The following NXPE2 variants were observed in gnomAD, a reference collection of about 807,000 sequenced individuals.
NXPE2 encodes NXPE family member 2.
Under a neutral mutation model 34.4 loss-of-function variants are expected in NXPE2, and 34 were observed. The ratio of observed to expected loss-of-function variants is 0.99; its 90% CI spans 0.75 to 1.31. The LOEUF (loss-of-function observed/expected upper bound fraction) is 1.31, where lower values mean the gene tolerates loss of function less well. Ranked by LOEUF, NXPE2 falls within the 40% of genes most tolerant of loss-of-function variation. The pLI is 0.00. For synonymous variants in NXPE2, 235 were observed against 231.3 expected (o/e 1.02, Z -0.15); for missense variants, 649 against 672.5 (o/e 0.97, Z 0.39).
the NXPE2 span, among the ~76,000 whole-genome samples, chr11:114,658,624 T>A: frequency 4.1e-4 from 62 of 152,256 alleles, no homozygotes; most frequent in Non-Finnish European, 7.1e-4. Context: ...AAGACACATA[T>A]GAAGATCCCT....
At chr11:114,476,397 A>T in the NXPE2 span, among the ~76,000 whole-genome samples, 1 of 152,176 alleles carries the variant, frequency 6.6e-6, no homozygotes, top group Non-Finnish European at 1.5e-5. Flanking sequence ...CTCTCCACAA[A>T]TATATCCTCT....
the NXPE2 span, among the ~76,000 whole-genome samples, chr11:114,809,759 T>C: frequency 9.0e-6 from 1 of 111,618 alleles, no homozygotes; most frequent in Non-Finnish European, 1.9e-5. Flanking sequence ...AAAATGGCCA[T>C]ACTGCCCAAG....
chr11:114,793,357 TCA>T, the NXPE2 span, among the ~76,000 whole-genome samples: 98 of 152,194 alleles, frequency 6.4e-4, no homozygotes, highest in Non-Finnish European at 1.1e-3. Context: ...AGGCAAAATT[TCA>T]CAGACTAAAC....
the NXPE2 span, among the ~76,000 whole-genome samples, chr11:114,622,998 G>A: frequency 6.6e-6 from 1 of 152,054 alleles, no homozygotes; most frequent in Non-Finnish European, 1.5e-5. Context: ...CGGTTACCTG[G>A]TGGATAATAA....
chr11:114,653,356 AG>A, the NXPE2 span, among the ~76,000 whole-genome samples: 1 of 152,156 alleles, frequency 6.6e-6, no homozygotes, highest in Non-Finnish European at 1.5e-5. Context: ...TGTCCCTATA[AG>A]CTCAACGGTT....
At chr11:114,589,399 G>A in the NXPE2 span, among the ~76,000 whole-genome samples, 1 of 152,060 alleles carries the variant, frequency 6.6e-6, no homozygotes, top group Non-Finnish European at 1.5e-5. Context: ...CTCTATAATC[G>A]AGGCCTCCCC....
chr11:114,487,776 G>A, the NXPE2 span, among the ~76,000 whole-genome samples: 13 of 151,718 alleles, frequency 8.6e-5, no homozygotes, highest in Admixed American at 6.6e-4. Flanking sequence ...TGAAGTGATC[G>A]TATGGTTTTT....
the NXPE2 span, among the ~76,000 whole-genome samples, chr11:114,773,282 C>G: frequency 5.1e-5 from 4 of 78,932 alleles, no homozygotes; most frequent in African/African-American, 1.6e-4. Flanking sequence ...CACTCCCACC[C>G]CCCCCCCACC....
chr11:114,557,663 ATATATATAT>A, the NXPE2 span, among the ~76,000 whole-genome samples: 1 of 102,786 alleles, frequency 9.7e-6, no homozygotes, highest in Non-Finnish European at 2.0e-5. Context: ...ATATATATAT[ATATATATAT>A]AAAATCCTTG....
chr11:114,584,435 C>T, the NXPE2 span: 8 of 223,624 alleles, frequency 3.6e-5, no homozygotes, highest in South Asian at 1.2e-4. Flanking sequence ...AAGAGGGTGG[C>T]GATGAGAATG....
the NXPE2 span, among the ~76,000 whole-genome samples, chr11:114,671,231 GATT>G: frequency 6.6e-6 from 1 of 151,314 alleles, no homozygotes; most frequent in African/African-American, 2.4e-5. Flanking sequence ...GATCAGTAGA[GATT>G]ATGCAGTCTA....
At chr11:114,774,903 T>C in the NXPE2 span, among the ~76,000 whole-genome samples, 4 of 152,210 alleles carry the variant, frequency 2.6e-5, no homozygotes, top group Non-Finnish European at 2.9e-5. Context: ...CTGGTACCTA[T>C]GGCTGGACAT....
the NXPE2 span, among the ~76,000 whole-genome samples, chr11:114,611,429 G>T: frequency 1.1e-4 from 17 of 151,878 alleles, no homozygotes; most frequent in South Asian, 3.5e-3. Flanking sequence ...TGCCTCTAGG[G>T]TAATCACTGT....
At chr11:114,580,435 G>A in the NXPE2 span, 2 of 969,542 alleles carry the variant, frequency 2.1e-6, no homozygotes, top group African/African-American at 1.6e-5. Context: ...CTAAGAGGGG[G>A]TAAGGTGGTG....
At chr11:114,522,817 C>A in the NXPE2 span, 3 of 1,171,282 alleles carry the variant, frequency 2.6e-6, no homozygotes, top group East Asian at 4.7e-5. Context: ...AGAATAGAGA[C>A]CTCATTAAAA....
the NXPE2 span, among the ~76,000 whole-genome samples, chr11:114,621,098 T>C: frequency 3.9e-5 from 6 of 152,128 alleles, no homozygotes; most frequent in African/African-American, 1.4e-4. Flanking sequence ...TATTGGCACA[T>C]GGGAAACCAC....
chr11:114,614,538 C>T, the NXPE2 span, among the ~76,000 whole-genome samples: 1 of 151,520 alleles, frequency 6.6e-6, no homozygotes, highest in East Asian at 2.0e-4. Context: ...ACCAGTGTTA[C>T]CCAGTGGATA....
the NXPE2 span, among the ~76,000 whole-genome samples, chr11:114,733,967 T>G: frequency 6.6e-6 from 1 of 152,232 alleles, no homozygotes; most frequent in Non-Finnish European, 1.5e-5. Flanking sequence ...CTTTTATGAA[T>G]TTATTCCTTC....
At chr11:114,504,110 C>G in the NXPE2 span, among the ~76,000 whole-genome samples, 1 of 152,232 alleles carries the variant, frequency 6.6e-6, no homozygotes, top group Non-Finnish European at 1.5e-5. Flanking sequence ...GGCAACTGCC[C>G]ACATCACTTC....
Sources: allele counts gnomAD v4.1 joint callset (sites outside exome capture counted in the v4.1 genomes callset), GRCh38; gene constraint gnomAD v4.1.1; transcripts MANE v1.5; gene names NCBI Gene and HGNC (gene_info 2026-07-23, HGNC 2026-07-21).